CNKSR2: variants seen among roughly 807,000 people sequenced by gnomAD.
CNKSR2 encodes the protein connector enhancer of kinase suppressor of Ras 2.
Under a neutral mutation model 84.4 loss-of-function variants are expected in CNKSR2, and 14 were observed. The ratio of observed to expected loss-of-function variants is 0.17; its 90% CI spans 0.11 to 0.26. CNKSR2 has a LOEUF of 0.26. CNKSR2 is among the 10% of genes least tolerant of loss of function. CNKSR2 has a pLI of 1.00. For synonymous variants in CNKSR2, 275 were observed against 277.9 expected, an observed-to-expected ratio of 0.99 and a Z score of 0.10; for missense variants, 485 against 771.2, an observed-to-expected ratio of 0.63 and a Z score of 4.40.
intron 10 of CNKSR2, among the ~76,000 whole-genome samples, chrX:21,528,079 C>T (rs145964082): frequency 0.014 from 1,568 of 110,593 alleles, 15 homozygotes; most frequent in Non-Finnish European, 0.023. Flanking sequence ...TAAATATAGC[C>T]ATTGGAACAT....
intron 6 of CNKSR2, 178 bp downstream of exon 6, chrX:21,490,756 G>A: frequency 6.3e-6 from 2 of 317,557 alleles, no homozygotes; most frequent in Non-Finnish European, 1.0e-5. Flanking sequence ...GAAGTTTTAT[G>A]AAGATAAATG....
intron 5 of CNKSR2, among the ~76,000 whole-genome samples, chrX:21,482,137 C>CA (rs2091326997): frequency 8.9e-6 from 1 of 111,817 alleles, no homozygotes; most frequent in Admixed American, 9.5e-5. Context: ...AGAACAAAAA[C>CA]AAAAAATGTA....
intron 15 of CNKSR2, chrX:21,594,694 A>C (rs2092441571): frequency 5.2e-6 from 1 of 190,859 alleles, no homozygotes; most frequent in Non-Finnish European, 9.7e-6. Context: ...TATAAAACAC[A>C]TTCCACTTTG....
chrX:21,404,110 G>T (rs1452408825), intron 1 of CNKSR2, among the ~76,000 whole-genome samples: 1 of 111,549 alleles, frequency 9.0e-6, no homozygotes, highest in Admixed American at 9.5e-5. Flanking sequence ...ACCTTTCATA[G>T]AATTTGCTTT....
Position 21,430,566 on chromosome X carries a change from ATG to A in CNKSR2, c.229-2044_229-2043del, listed in dbSNP as rs2090621925. On this transcript the variant is annotated intron_variant, in intron 2 of 21. Coordinates refer to ENST00000379510, the MANE Select transcript of CNKSR2 (RefSeq NM_014927.5). The stretch of plus-strand genomic sequence containing the variant: ...ATTACTATAATTTGTTGGCAAACAA[ATG>A]TTTTCTTATTAAACTCATTTATACA... Among the ~76,000 whole-genome samples the A allele has an allele frequency of 6.3e-5, 7 of 111,999 alleles. No individual in the cohort carries two copies. In the South Asian group the frequency reaches 2.6e-3, roughly 41 times the overall value.
chrX:21,511,336 G>A (rs775747288), intron 8 of CNKSR2, among the ~76,000 whole-genome samples: 3 of 110,899 alleles, frequency 2.7e-5, no homozygotes, highest in East Asian at 2.8e-4. Context: ...TCTTTTATGC[G>A]ACAAATTTTA....
At chrX:21,491,059 AG>A (rs1445337288) in intron 6 of CNKSR2, 1 of 111,524 alleles carries the variant, frequency 9.0e-6, no homozygotes, top group Non-Finnish European at 1.9e-5. Flanking sequence ...CATTCTTAGA[AG>A]GGTAAGTAAG....
chrX:21,419,584 G>C (rs753541209), intron 1 of CNKSR2, among the ~76,000 whole-genome samples: 69 of 111,618 alleles, frequency 6.2e-4, no homozygotes, highest in African/African-American at 2.2e-3. Context: ...TAGGTGTTAT[G>C]ATCTAAGCTG....
At chrX:21,404,609 T>C (rs2090237253) in intron 1 of CNKSR2, among the ~76,000 whole-genome samples, 1 of 108,165 alleles carries the variant, frequency 9.2e-6, no homozygotes, top group African/African-American at 3.4e-5. Context: ...GCCAAAATGG[T>C]GAAACCCTGT....
At position 21,515,104 on chromosome X, in the gene CNKSR2, C is replaced by G. The variant is rs1371150334; in HGVS notation, c.811-1381C>G. Among the ~76,000 whole-genome samples the G allele has an allele frequency of 2.7e-5, 3 of 110,851 alleles. No individual in the cohort carries two copies. In the South Asian group the frequency reaches 1.1e-3, roughly 42 times the overall value. On this transcript the variant is annotated intron_variant, in intron 8 of 21. Coordinates refer to ENST00000379510, the MANE Select transcript of CNKSR2 (RefSeq NM_014927.5). ...GTATAATGATCATTTTGATTCATAT[C>G]TGAGACTCCCTGAGATTTTAAGTAT...
intron 1 of CNKSR2, among the ~76,000 whole-genome samples, chrX:21,414,030 A>T (rs187963147): frequency 3.2e-4 from 36 of 111,037 alleles, no homozygotes; most frequent in African/African-American, 1.2e-3. Flanking sequence ...GTCTTCTGGG[A>T]CCCAGTGCAG....
chrX:21,641,713 C>T (rs1020536405), intron 20 of CNKSR2: 86 of 1,075,740 alleles, frequency 8.0e-5, no homozygotes, highest in Non-Finnish European at 1.0e-4. Flanking sequence ...TGGCCTCGTC[C>T]TTGCTGTTTA....
At chrX:21,576,843 A>G (rs1302194311) in intron 13 of CNKSR2, among the ~76,000 whole-genome samples, 2 of 111,953 alleles carry the variant, frequency 1.8e-5, no homozygotes, top group East Asian at 5.6e-4. Flanking sequence ...AATTTAATTA[A>G]CTATTAAAAT....
chrX:21,398,835 T>C (rs1478035036), intron 1 of CNKSR2, among the ~76,000 whole-genome samples: 1 of 112,146 alleles, frequency 8.9e-6, no homozygotes, highest in Admixed American at 9.5e-5. Context: ...ATTATGCTTG[T>C]TCCACCCATT....
chrX:21,519,276 T>C (rs1164944492), intron 9 of CNKSR2, among the ~76,000 whole-genome samples: 1 of 111,201 alleles, frequency 9.0e-6, no homozygotes, highest in Non-Finnish European at 1.9e-5. Context: ...AGATTATAGA[T>C]TTTGGTACAG....
chrX:21,430,563 CAAAT>C (rs2090621868), intron 2 of CNKSR2, among the ~76,000 whole-genome samples: 1 of 111,494 alleles, frequency 9.0e-6, no homozygotes, highest in Non-Finnish European at 1.9e-5. Flanking sequence ...TGTTGGCAAA[CAAAT>C]GTTTTCTTAT....
At chrX:21,579,402 C>A (rs1454528595) in intron 13 of CNKSR2, among the ~76,000 whole-genome samples, 1 of 111,247 alleles carries the variant, frequency 9.0e-6, no homozygotes, top group African/African-American at 3.3e-5. Context: ...AAATAAAAAT[C>A]ATAAATTATC....
At chrX:21,487,807 A>T (rs1449381708) in intron 5 of CNKSR2, among the ~76,000 whole-genome samples, 4 of 112,472 alleles carry the variant, frequency 3.6e-5, no homozygotes, top group Non-Finnish European at 7.5e-5. Context: ...ACAAATTTTT[A>T]AAAATACAGA....
intron 9 of CNKSR2, among the ~76,000 whole-genome samples, chrX:21,526,435 C>G (rs2091835406): frequency 9.0e-6 from 1 of 111,197 alleles, no homozygotes; most frequent in African/African-American, 3.3e-5. Context: ...TCTGAAATAG[C>G]TTTCTCATAC....
Sources: allele counts gnomAD v4.1 joint callset (sites outside exome capture counted in the v4.1 genomes callset), GRCh38; gene constraint gnomAD v4.1.1; transcripts MANE v1.5; gene names NCBI Gene and HGNC (gene_info 2026-07-23, HGNC 2026-07-21).